RASGRF2: variants seen among roughly 807,000 people sequenced by gnomAD.
RASGRF2 encodes ras-specific guanine nucleotide-releasing factor 2.
In RASGRF2, 76 loss-of-function variants were observed where a neutral mutation model predicts 151.0. That is an observed-to-expected ratio of 0.50 (90% CI 0.42 to 0.61). RASGRF2 has a LOEUF of 0.61. RASGRF2 is among the 20% of genes least tolerant of loss of function. The pLI is 0.00. For missense variants in RASGRF2, 1,148 were observed against 1,564.6 expected, an observed-to-expected ratio of 0.73 and a Z score of 4.49; for synonymous variants, 504 against 566.5, an observed-to-expected ratio of 0.89 and a Z score of 1.57.
Position 81,134,072 on chromosome 5 carries a change from T to TTGTGTGTG in RASGRF2, c.2686+6915_2686+6916insTGTGTGTG, listed in dbSNP as rs1287297835. 2.2e-4 allele frequency among the ~76,000 whole-genome samples: 17 copies of TTGTGTGTG among 78,170 alleles called. No individual in the cohort carries two copies. The East Asian group carries it at 2.4e-3, about 11-fold the overall frequency. The allele number at this position is 78,170 out of a possible 152,430, so 51.3% of individuals were successfully genotyped here. The stretch of plus-strand genomic sequence containing the variant: ...TAATGTGAAGCCAAGTAGGAAATGC[T>TTGTGTGTG]TGTGTGCGTGTGTGTGTGTGTGTGT... On this transcript the variant is annotated intron_variant, in intron 17 of 26. Transcript: ENST00000265080.
chr5:81,166,869 T>C (rs1407901392), intron 17 of RASGRF2, among the ~76,000 whole-genome samples: 1 of 152,114 alleles, frequency 6.6e-6, no homozygotes, highest in African/African-American at 2.4e-5. Flanking sequence ...GATTTAAAAA[T>C]TCCCAGTCCC....
chr5:81,154,968 T>C (rs2112627200), intron 17 of RASGRF2, among the ~76,000 whole-genome samples: 1 of 152,342 alleles, frequency 6.6e-6, no homozygotes, highest in East Asian at 1.9e-4. Context: ...TTTTTGATAA[T>C]AGCCATTCTA....
chr5:81,024,625 G>A (rs750610557), intron 1 of RASGRF2, among the ~76,000 whole-genome samples: 2 of 152,128 alleles, frequency 1.3e-5, no homozygotes, highest in Non-Finnish European at 2.9e-5. Context: ...ACTGTCATAC[G>A]GAATAAGCAG....
At chr5:81,220,283 G>A (rs555009689) in intron 26 of RASGRF2, among the ~76,000 whole-genome samples, 5 of 151,922 alleles carry the variant, frequency 3.3e-5, no homozygotes, top group Non-Finnish European at 5.9e-5. Context: ...ATCATATACC[G>A]CCTTACTGTC....
At chr5:81,186,609 A>T (rs1406237593) in intron 18 of RASGRF2, among the ~76,000 whole-genome samples, 5 of 152,160 alleles carry the variant, frequency 3.3e-5, no homozygotes, top group Admixed American at 6.5e-5. Flanking sequence ...TCACTCTTTC[A>T]TTAAAATATA....
intron 1 of RASGRF2, among the ~76,000 whole-genome samples, chr5:81,039,506 A>G (rs1750614768): frequency 6.6e-6 from 1 of 152,166 alleles, no homozygotes; most frequent in Admixed American, 6.5e-5. Context: ...AAAACATGTA[A>G]AGCAAAAACT....
chr5:80,961,168 A>G (rs994759946), intron 1 of RASGRF2, 142 bp downstream of exon 1: 9 of 945,914 alleles, frequency 9.5e-6, no homozygotes, highest in Non-Finnish European at 1.3e-5. Flanking sequence ...CAGTGGCGGG[A>G]CATCTCCACG....
intron 1 of RASGRF2, among the ~76,000 whole-genome samples, chr5:80,967,752 G>C (rs149686769): frequency 4.6e-5 from 7 of 152,326 alleles, no homozygotes; most frequent in African/African-American, 1.7e-4. Flanking sequence ...TAGCAATGTG[G>C]AAATAGGGAG....
chr5:81,172,434 C>T (rs1297053218), intron 17 of RASGRF2, among the ~76,000 whole-genome samples: 3 of 145,498 alleles, frequency 2.1e-5, no homozygotes, highest in Non-Finnish European at 4.6e-5. Flanking sequence ...CAAGGATGTG[C>T]GTGTGTGTGT....
intron 18 of RASGRF2, among the ~76,000 whole-genome samples, chr5:81,193,192 A>G (rs1417022546): frequency 6.6e-6 from 1 of 152,222 alleles, no homozygotes; most frequent in Non-Finnish European, 1.5e-5. Flanking sequence ...TCCCTTGGCC[A>G]TGTATAGTAA....
At chr5:81,066,660 G>A (rs933289783) in intron 2 of RASGRF2, among the ~76,000 whole-genome samples, 4 of 152,060 alleles carry the variant, frequency 2.6e-5, no homozygotes, top group Non-Finnish European at 4.4e-5. Flanking sequence ...CTCTCCCGTC[G>A]GACTCACTTT....
At chr5:81,129,796 C>T (rs921505236) in intron 17 of RASGRF2, among the ~76,000 whole-genome samples, 1 of 152,064 alleles carries the variant, frequency 6.6e-6, no homozygotes, top group Non-Finnish European at 1.5e-5. Context: ...CGCTAGTCTG[C>T]CTTTGGAAAA....
At chr5:81,105,389 C>CTGGCCACCTCCAGCGCCCG (rs1752818558) in intron 12 of RASGRF2, among the ~76,000 whole-genome samples, 2 of 152,136 alleles carry the variant, frequency 1.3e-5, no homozygotes, top group Admixed American at 1.3e-4. Flanking sequence ...GTCTGTGACT[C>CTGGCCACCTCCAGCGCCCG]TGGCCACCTC....
chr5:81,127,834 G>A (rs950412723), intron 17 of RASGRF2, among the ~76,000 whole-genome samples: 8 of 139,416 alleles, frequency 5.7e-5, no homozygotes, highest in African/African-American at 2.2e-4. Flanking sequence ...TGAGGCAGGA[G>A]AATCATTTGA....
rs1473057232 is a variant in RASGRF2, at chr5:81,226,866, G to C, written c.*1096G>C. ...AAAACTGATGTTGAGAGATCTCTGA[G>C]AATATTATAAGTGCATGGGAAATGG... On this transcript the variant is annotated 3_prime_UTR_variant, in exon 27 of 27. Coordinates refer to ENST00000265080, the MANE Select transcript of RASGRF2 (RefSeq NM_006909.3). The C allele has an allele frequency of 6.6e-6, 1 of 152,138 alleles. No individual in the cohort carries two copies. The highest frequency in any genetic ancestry group is 2.4e-5 in the African/African-American group (1 of 41,414). The allele number at this position is 152,138 out of a possible 1,614,324, so 9.4% of individuals were successfully genotyped here.
intron 1 of RASGRF2, among the ~76,000 whole-genome samples, chr5:81,031,887 A>G (rs1295044932): frequency 1.3e-5 from 2 of 152,198 alleles, no homozygotes; most frequent in African/African-American, 4.8e-5. Flanking sequence ...GATCAACAAA[A>G]TTGATAGACC....
intron 1 of RASGRF2, among the ~76,000 whole-genome samples, chr5:80,962,591 TATAAG>T (rs1305732929): frequency 2.6e-5 from 4 of 152,236 alleles, no homozygotes; most frequent in African/African-American, 7.2e-5. Flanking sequence ...TTTATATTAA[TATAAG>T]ATAACCACTT....
At chr5:81,047,209 C>T (rs1750862563) in intron 2 of RASGRF2, among the ~76,000 whole-genome samples, 1 of 152,204 alleles carries the variant, frequency 6.6e-6, no homozygotes, top group Middle Eastern at 3.4e-3. Context: ...GTATGATTAT[C>T]GCTGGGAAAG....
At chr5:81,122,593 A>G (rs1457372197) in intron 15 of RASGRF2, among the ~76,000 whole-genome samples, 1 of 152,236 alleles carries the variant, frequency 6.6e-6, no homozygotes. Context: ...GTTGAGTGAA[A>G]TCTTGAATGG....
Sources: allele counts gnomAD v4.1 joint callset (sites outside exome capture counted in the v4.1 genomes callset), GRCh38; gene constraint gnomAD v4.1.1; transcripts MANE v1.5; gene names NCBI Gene and HGNC (gene_info 2026-07-23, HGNC 2026-07-21).